TOMM34: variants seen among roughly 807,000 people sequenced by gnomAD.
TOMM34 encodes mitochondrial import receptor subunit TOM34.
Under a neutral mutation model 37.4 loss-of-function variants are expected in TOMM34, and 24 were observed. The ratio of observed to expected loss-of-function variants is 0.64; its 90% CI spans 0.46 to 0.90. TOMM34 has a LOEUF of 0.90. Ranked by LOEUF, TOMM34 falls within the 40% of genes least tolerant of loss-of-function variation. The probability of loss-of-function intolerance (pLI) is 0.00; values close to 1 mark genes in which losing one functional copy is unlikely to be tolerated. For synonymous variants in TOMM34, 154 were observed against 148.9 expected (o/e 1.03, Z -0.25); for missense variants, 304 against 375.6 (o/e 0.81, Z 1.58).
intron 4 of TOMM34, among the ~76,000 whole-genome samples, chr20:44,950,108 C>T (rs144849906): frequency 2.0e-5 from 3 of 152,326 alleles, no homozygotes; most frequent in Admixed American, 6.5e-5. Flanking sequence ...GTACATCTCC[C>T]TGTGCACATG....
At chr20:44,948,659 T>C (rs1039714741) in intron 5 of TOMM34, 71 bp downstream of exon 5, 29 of 1,576,508 alleles carry the variant, frequency 1.8e-5, no homozygotes, top group African/African-American at 8.1e-5. Context: ...GAAGGGCCCA[T>C]TGCAGTCCAA....
chr20:44,960,342 C>G lies in TOMM34; in HGVS notation c.-9G>C, dbSNP rs1297500916. 4.5e-6 allele frequency: 7 copies of G among 1,559,760 alleles called. No individual in the cohort carries two copies. Among genetic ancestry groups the G allele is most frequent in the Non-Finnish European group, 6.1e-6 (7 of 1,152,320 alleles). ...GGGAATTTGGGGGCCATCCCGTGGC[C>G]AGGCCGGCGAGTTGGGAGCTCCTTC... On this transcript the variant is annotated 5_prime_UTR_variant, in exon 1 of 7. Coordinates refer to ENST00000372813, the MANE Select transcript of TOMM34 (RefSeq NM_006809.5).
At position 44,960,361 on chromosome 20, in the gene TOMM34, C is replaced by T. The variant is rs531020626; in HGVS notation, c.-28G>A. On this transcript the variant is annotated 5_prime_UTR_variant, in exon 1 of 7. Transcript: ENST00000372813. ...CGTGGCCAGGCCGGCGAGTTGGGAG[C>T]TCCTTCCTTCCTCCCCCGTGTGGTG... 2.9e-5 allele frequency: 44 copies of T among 1,536,180 alleles called. No homozygotes were observed. In the South Asian group the frequency reaches 4.9e-4, roughly 17 times the overall value.
intron 1 of TOMM34, among the ~76,000 whole-genome samples, chr20:44,956,916 G>C (rs1428786166): frequency 2.0e-5 from 3 of 151,346 alleles, no homozygotes; most frequent in African/African-American, 7.3e-5. Flanking sequence ...GAGGGAACAA[G>C]ATGATAAACG....
chr20:44,954,949 G>A, intron 3 of TOMM34, 119 bp downstream of exon 3: 1 of 1,295,012 alleles, frequency 7.7e-7, no homozygotes, highest in South Asian at 1.6e-5. Flanking sequence ...ATGCCCATCG[G>A]GAGTTTTTTA....
chr20:44,943,821 T>C (rs1383305674), intron 5 of TOMM34, among the ~76,000 whole-genome samples: 2 of 152,154 alleles, frequency 1.3e-5, no homozygotes, highest in African/African-American at 2.4e-5. Flanking sequence ...AGGATTCAAA[T>C]AGGCGGGCGT....
intron 1 of TOMM34, among the ~76,000 whole-genome samples, chr20:44,959,654 C>G (rs1318033018): frequency 6.6e-6 from 1 of 152,068 alleles, no homozygotes; most frequent in Non-Finnish European, 1.5e-5. Flanking sequence ...ACTTCAGGAC[C>G]GAAAACCTTG....
chr20:44,955,968 T>C (rs1164985591), intron 2 of TOMM34, among the ~76,000 whole-genome samples: 1 of 152,168 alleles, frequency 6.6e-6, no homozygotes, highest in Non-Finnish European at 1.5e-5. Flanking sequence ...ATGAATACCA[T>C]TTTTTTCCTT....
chr20:44,952,722 C>T (rs1568662616), intron 3 of TOMM34: 1 of 716,082 alleles, frequency 1.4e-6, no homozygotes, highest in East Asian at 2.7e-5. Flanking sequence ...ACCTAGCAAC[C>T]ACCAAGGCCC....
At chr20:44,949,570 C>T (rs531839815) in intron 4 of TOMM34, among the ~76,000 whole-genome samples, 32 of 152,116 alleles carry the variant, frequency 2.1e-4, no homozygotes, top group Non-Finnish European at 3.2e-4. Context: ...CTGCTTGGCC[C>T]CAATTAATTA....
chr20:44,958,374 T>C (rs1024119185), intron 1 of TOMM34: 15 of 471,548 alleles, frequency 3.2e-5, no homozygotes, highest in Non-Finnish European at 6.6e-5. Flanking sequence ...GTAAAATACA[T>C]CCTTGCCCTT....
intron 5 of TOMM34, among the ~76,000 whole-genome samples, chr20:44,947,758 C>A (rs2066992857): frequency 6.6e-6 from 1 of 152,188 alleles, no homozygotes; most frequent in African/African-American, 2.4e-5. Flanking sequence ...GAGCCTCAGC[C>A]TCCCAAAGTG....
At position 44,942,144 on chromosome 20, in the gene TOMM34, G is replaced by A. The variant is rs1389612598; in HGVS notation, c.*965C>T. 6.6e-6 allele frequency: 1 copy of A among 152,196 alleles called. No individual in the cohort carries two copies. The highest frequency in any genetic ancestry group is 1.5e-5 in the Non-Finnish European group (1 of 68,050). The allele number at this position is 152,196 out of a possible 1,614,324, so 9.4% of individuals were successfully genotyped here. ...CAACAAATGAATGAATGCCCAATAAGCAATAACTTTTATTATTACTACAGA... is the reference window on the plus strand; with the variant it reads ...CAACAAATGAATGAATGCCCAATAAACAATAACTTTTATTATTACTACAGA... On this transcript the variant is annotated 3_prime_UTR_variant, in exon 7 of 7. Transcript: ENST00000372813.
chr20:44,944,320 A>G (rs761491269), intron 5 of TOMM34, among the ~76,000 whole-genome samples: 2 of 152,260 alleles, frequency 1.3e-5, no homozygotes, highest in Non-Finnish European at 2.9e-5. Context: ...CCTTCTCTCC[A>G]AAGACAGTCA....
Position 44,943,044 on chromosome 20 carries a change from G to A in TOMM34, c.*65C>T, listed in dbSNP as rs1452825450. The A allele has an allele frequency of 1.3e-6, 2 of 1,524,206 alleles. No homozygotes were observed. The highest frequency in any genetic ancestry group is 1.8e-6 in the Non-Finnish European group (2 of 1,100,278). The allele number at this position is 1,524,206 out of a possible 1,614,324, so 94.4% of individuals were successfully genotyped here. On this transcript the variant is annotated 3_prime_UTR_variant, in exon 7 of 7. Transcript: ENST00000372813. ...ATGCTGGGTTTCAGGAGCGGGCACA[G>A]AGCAGGTGGCCCATGGCTTCTCTGG...
chr20:44,954,487 T>C (rs1046948253), intron 3 of TOMM34, among the ~76,000 whole-genome samples: 1 of 152,232 alleles, frequency 6.6e-6, no homozygotes, highest in Non-Finnish European at 1.5e-5. Context: ...GGTTTGCTAT[T>C]AGTGCAGTGT....
chr20:44,957,327 G>T (rs899644525), intron 1 of TOMM34, among the ~76,000 whole-genome samples: 36 of 152,012 alleles, frequency 2.4e-4, no homozygotes, highest in African/African-American at 8.5e-4. Context: ...TGAGTAGCTG[G>T]GATTACAGGC....
intron 4 of TOMM34, among the ~76,000 whole-genome samples, chr20:44,951,173 A>T (rs1384691917): frequency 6.6e-6 from 1 of 152,180 alleles, no homozygotes. Context: ...GATTGAGAAA[A>T]TATGTGAGCT....
intron 1 of TOMM34, chr20:44,959,998 C>A (rs370647466): frequency 1.0e-6 from 1 of 984,804 alleles, no homozygotes; most frequent in Non-Finnish European, 1.2e-6. Flanking sequence ...AGAACGAGGC[C>A]TAAATAACTT....
Sources: allele counts gnomAD v4.1 joint callset (sites outside exome capture counted in the v4.1 genomes callset), GRCh38; gene constraint gnomAD v4.1.1; transcripts MANE v1.5; gene names NCBI Gene and HGNC (gene_info 2026-07-23, HGNC 2026-07-21).